The following ADSL variants were observed in gnomAD, a reference collection of about 807,000 sequenced individuals.
The protein encoded by ADSL is adenylosuccinate lyase, also known as adenylosuccinase.
In ADSL, 44 loss-of-function variants were observed where a neutral mutation model predicts 62.1. The ratio of observed to expected loss-of-function variants is 0.71; its 90% confidence interval spans 0.56 to 0.91. The LOEUF is 0.91. Ranked by LOEUF, ADSL falls within the 40% of genes least tolerant of loss-of-function variation. The pLI is 0.00. For missense variants in ADSL, 531 were observed against 627.4 expected, an observed-to-expected ratio of 0.85 and a Z score of 1.64; for synonymous variants, 198 against 220.5, an observed-to-expected ratio of 0.90 and a Z score of 0.90.
chr22:40,353,869 G>A (rs1247285210), intron 3 of ADSL: 7 of 311,466 alleles, frequency 2.2e-5, no homozygotes, highest in African/African-American at 4.4e-5. Context: ...CTCGTGATCC[G>A]CCCGTCTTGG....
intron 6 of ADSL, 145 bp from the exon 7 acceptor site, chr22:40,360,257 C>T (rs1384077690): frequency 3.0e-6 from 2 of 660,902 alleles, no homozygotes; most frequent in Admixed American, 2.3e-5. Flanking sequence ...ATAAGAGTCT[C>T]CCAGTGATGC....
intron 1 of ADSL, 104 bp from the exon 2 acceptor site, chr22:40,349,728 T>C: frequency 1.0e-6 from 1 of 996,230 alleles, no homozygotes. Flanking sequence ...GGTTGGGAGA[T>C]AGGGTAGTGC....
intron 9 of ADSL, among the ~76,000 whole-genome samples, chr22:40,362,156 A>G (rs2044816456): frequency 6.6e-6 from 1 of 152,216 alleles, no homozygotes; most frequent in Non-Finnish European, 1.5e-5. Flanking sequence ...TGAGTCAGAA[A>G]TAATTTGTAA....
intron 2 of ADSL, among the ~76,000 whole-genome samples, chr22:40,384,508 C>T (rs569025322): frequency 3.3e-5 from 5 of 152,194 alleles, no homozygotes; most frequent in Admixed American, 2.0e-4. Flanking sequence ...TGGCCAGGTG[C>T]GGTGGCTCAC....
In ADSL at chr22:40,365,582, T is replaced by C. The variant is rs556893789; in HGVS notation, c.1368+526T>C. ...TTAATTCTGGGGATTTTAAAATGAATAGATAGGCTGGGCGCAGTGGCTCAC... is the reference window on the plus strand; with the variant it reads ...TTAATTCTGGGGATTTTAAAATGAACAGATAGGCTGGGCGCAGTGGCTCAC... On this transcript the variant is annotated intron_variant, in intron 12 of 12. Coordinates refer to ENST00000623063, the MANE Select transcript of ADSL (RefSeq NM_000026.4). Among the ~76,000 whole-genome samples, 5 of 152,190 alleles carry C rather than the reference T, an allele frequency of 3.3e-5. No individual in the cohort carries two copies. The South Asian group carries it at 1.0e-3, about 32-fold the overall frequency.
downstream of ADSL, among the ~76,000 whole-genome samples, chr22:40,370,880 G>A (rs1474191701): frequency 6.6e-6 from 1 of 152,212 alleles, no homozygotes; most frequent in Admixed American, 6.5e-5. Flanking sequence ...TGGAATGGGG[G>A]CCGGGGACGC....
At chr22:40,383,621 A>G (rs1240756616) in intron 2 of ADSL, among the ~76,000 whole-genome samples, 1 of 152,186 alleles carries the variant, frequency 6.6e-6, no homozygotes, top group Non-Finnish European at 1.5e-5. Flanking sequence ...CAGAGGACAC[A>G]ATATAAATAA....
Position 40,346,604 on chromosome 22 carries a change from C to T in ADSL, c.46C>T (p.Pro16Ser), listed in dbSNP as rs753065207. The change falls in exon 1 of 13, where the codon CCT (proline) becomes TCT (serine). Residue 16 changes from proline to serine, a missense_variant. This residue lies in a region of ADSL where 60 missense variants were observed against 34.5 expected (regional missense o/e 1.74). Transcript: ENST00000623063. Reference protein sequence around the residue: ...DHGSPDSYRSPLASRYASPEM... With the variant: ...DHGSPDSYRSSLASRYASPEM... ...TGGTTCGCCCGACAGCTACCGCTCA[C>T]CTCTTGCCTCCCGCTATGCCAGCCC... The T allele has an allele frequency of 1.9e-6, 3 of 1,608,578 alleles. No homozygotes were observed. Among genetic ancestry groups the T allele is most frequent in the African/African-American group, 2.7e-5 (2 of 74,866 alleles).
At chr22:40,358,766 C>T in intron 4 of ADSL, 98 bp from the exon 5 acceptor site, 3 of 1,151,386 alleles carry the variant, frequency 2.6e-6, no homozygotes, top group South Asian at 2.6e-5. Flanking sequence ...AATTGTTCTC[C>T]CTCCAAGGGG....
intron 2 of ADSL, among the ~76,000 whole-genome samples, chr22:40,380,354 A>C (rs1366181505): frequency 6.7e-6 from 1 of 149,914 alleles, no homozygotes; most frequent in Non-Finnish European, 1.5e-5. Context: ...TTTAACCATG[A>C]ATATCTATAA....
chr22:40,369,452 T>A (rs1416318994), downstream of ADSL: 1 of 147,808 alleles, frequency 6.8e-6, no homozygotes, highest in Non-Finnish European at 1.5e-5. Flanking sequence ...TCATATATAT[T>A]ATATATAATA....
chr22:40,353,485 T>C, intron 3 of ADSL: 1 of 691,974 alleles, frequency 1.4e-6, no homozygotes, highest in Non-Finnish European at 2.6e-6. Context: ...GTTTTTGCCA[T>C]GTTGCCCAGG....
At chr22:40,349,602 C>A (rs1383014229) in intron 1 of ADSL, among the ~76,000 whole-genome samples, 4 of 152,048 alleles carry the variant, frequency 2.6e-5, no homozygotes, top group Non-Finnish European at 5.9e-5. Context: ...TCTGTTGGAG[C>A]TTTGTTATAG....
chr22:40,383,466 C>CA lies in ADSL; in HGVS notation c.90-6747dup, dbSNP rs534039238. Among the ~76,000 whole-genome samples the CA allele has an allele frequency of 5.3e-3, 466 of 87,182 alleles. 2 individuals are homozygous for CA. Among genetic ancestry groups the CA allele is most frequent in the African/African-American group, 0.013 (300 of 23,020 alleles). The allele number at this position is 87,182 out of a possible 152,430, so 57.2% of individuals were successfully genotyped here. On this transcript the variant is annotated intron_variant, in intron 2 of 2. Transcript: ENST00000498234. ...TTGGCGACAGAGCGAGACTCTGTCT[C>CA]AAAAAAAAAAAAAAAAAGTCAGTAG... is the stretch of plus-strand genomic sequence containing the variant.
chr22:40,378,499 C>T (rs1234195703), intron 2 of ADSL, among the ~76,000 whole-genome samples: 3 of 151,820 alleles, frequency 2.0e-5, no homozygotes, highest in Non-Finnish European at 1.5e-5. Flanking sequence ...GAGGCTAAGG[C>T]GGGCAGATCA....
rs1434032697 is a variant in ADSL, at chr22:40,346,523, T to TGGTCC, written c.-35_-31dup. ...CCAGGTTTCCGCTTCCGCTCTTCCC[T>TGGTCC]GGTCCAGTCCACCCTGGCGGGGTCG... On this transcript the variant is annotated 5_prime_UTR_variant, in exon 1 of 13. Transcript: ENST00000623063. 6.3e-7 allele frequency: 1 copy of TGGTCC among 1,586,812 alleles called. No homozygotes were observed. Among genetic ancestry groups the TGGTCC allele is most frequent in the Non-Finnish European group, 8.5e-7 (1 of 1,170,780 alleles).
At chr22:40,358,367 T>G (rs1039963219) in intron 4 of ADSL, among the ~76,000 whole-genome samples, 12 of 152,216 alleles carry the variant, frequency 7.9e-5, no homozygotes, top group Admixed American at 7.2e-4. Flanking sequence ...GTGGATCGCT[T>G]GAGACATAGA....
At chr22:40,385,545 G>A (rs2048280455) in intron 2 of ADSL, among the ~76,000 whole-genome samples, 1 of 152,162 alleles carries the variant, frequency 6.6e-6, no homozygotes, top group African/African-American at 2.4e-5. Flanking sequence ...GAGAGGGCGG[G>A]CAGAAAGAGC....
Position 40,346,627 on chromosome 22 carries a change from C to G in ADSL, c.69C>G (p.Ser23Arg). 6.2e-7 allele frequency: 1 copy of G among 1,611,390 alleles called. No individual in the cohort carries two copies. Among genetic ancestry groups the G allele is most frequent in the Non-Finnish European group, 8.5e-7 (1 of 1,178,980 alleles). ...YRSPLASRYA[S>R]PEMCFVFSDR... is the part of the protein sequence containing the mutation. Reference sequence around the variant, plus strand: ...CACCTCTTGCCTCCCGCTATGCCAGCCCGGAGATGTGCTTCGTGTTTAGCG... The same window carrying G: ...CACCTCTTGCCTCCCGCTATGCCAGGCCGGAGATGTGCTTCGTGTTTAGCG... The change falls in exon 1 of 13, where the codon AGC becomes AGG. Residue 23 changes from serine (S) to arginine (R), a missense_variant. Ser to Arg is a moderately radical substitution (Grantham distance 110, BLOSUM62 -1). Coordinates refer to ENST00000623063, the MANE Select transcript of ADSL (RefSeq NM_000026.4).
Sources: allele counts gnomAD v4.1 joint callset (sites outside exome capture counted in the v4.1 genomes callset), GRCh38; gene constraint gnomAD v4.1.1; regional missense constraint gnomAD v4.1.1; transcripts MANE v1.5; gene names NCBI Gene and HGNC (gene_info 2026-07-23, HGNC 2026-07-21).